TAFA5: variants seen among roughly 807,000 people sequenced by gnomAD.
The protein encoded by TAFA5 is chemokine-like protein TAFA-5.
Under a neutral mutation model 15.3 loss-of-function variants are expected in TAFA5, and 6 were observed. The observed-to-expected ratio is 0.39, with a 90% CI of 0.21 to 0.77. The LOEUF (loss-of-function observed/expected upper bound fraction) is 0.77, where lower values mean the gene tolerates loss of function less well. Ranked by LOEUF, TAFA5 falls within the 30% of genes least tolerant of loss-of-function variation. TAFA5 has a pLI of 0.41. For synonymous variants in TAFA5, 103 were observed against 80.7 expected (o/e 1.28, Z -1.48); for missense variants, 161 against 193.1 (o/e 0.83, Z 0.98).
At chr22:48,500,277 G>C (rs1362369700) in intron 1 of TAFA5, among the ~76,000 whole-genome samples, 1 of 152,152 alleles carries the variant, frequency 6.6e-6, no homozygotes, top group Non-Finnish European at 1.5e-5. Flanking sequence ...CCACTCCCCT[G>C]TCCCTGACCA....
intron 1 of TAFA5, among the ~76,000 whole-genome samples, chr22:48,576,984 AGCTGGGACCCGCCAGGGTGGGCGCCGG>A (rs1361135934): frequency 1.7e-4 from 26 of 152,144 alleles, no homozygotes; most frequent in African/African-American, 6.0e-4. Flanking sequence ...GCGGGAGCGG[AGCTGGGACCCGCCAGGGTGGGCGCCGG>A]GCTGGGACCC....
Position 48,736,650 on chromosome 22 carries a change from C to T in TAFA5, c.391-13189C>T, listed in dbSNP as rs559345584. 5.3e-5 allele frequency among the ~76,000 whole-genome samples: 8 copies of T among 152,374 alleles called. No homozygotes were observed. The South Asian group carries it at 1.2e-3, about 24-fold the overall frequency. On this transcript the variant is annotated intron_variant, in intron 3 of 3. Transcript: ENST00000402357. Reference sequence around the variant, plus strand: ...ATACAGCCATGACTGGAATATTATTCAGCCTTAAAAAGGAATGGCATTCTG... The same window carrying T: ...ATACAGCCATGACTGGAATATTATTTAGCCTTAAAAAGGAATGGCATTCTG...
chr22:48,735,918 C>A (rs1705419874), intron 3 of TAFA5, among the ~76,000 whole-genome samples: 1 of 149,716 alleles, frequency 6.7e-6, no homozygotes, highest in Non-Finnish European at 1.5e-5. Context: ...GAGTCCATCC[C>A]CCCAGGAGGA....
intron 2 of TAFA5, among the ~76,000 whole-genome samples, chr22:48,652,806 ACCC>A (rs1927101360): frequency 1.9e-5 from 1 of 52,770 alleles, no homozygotes; most frequent in South Asian, 7.9e-4. Context: ...CTCAGGAGGC[ACCC>A]TCTCCACTGC....
intron 1 of TAFA5, among the ~76,000 whole-genome samples, chr22:48,542,345 GTGTGTGTGCATA>G (rs1922437688): frequency 8.0e-6 from 1 of 124,746 alleles, no homozygotes; most frequent in Non-Finnish European, 1.6e-5. Context: ...TGTGTGTGTG[GTGTGTGTGCATA>G]TGTGTGTGTG....
chr22:48,732,358 G>A (rs921680784), intron 3 of TAFA5, among the ~76,000 whole-genome samples: 2 of 152,180 alleles, frequency 1.3e-5, no homozygotes, highest in African/African-American at 2.4e-5. Flanking sequence ...CCGGGTTCAC[G>A]CCATTCTCCT....
At position 48,649,794 on chromosome 22, in the gene TAFA5, C is replaced by T. The variant is rs115254675; in HGVS notation, c.262+3048C>T. ...GGGAGGGGGAGAGCGGTGCCCTGCACGGCCAAGGAGTTCACAGCCAGGCCG... is the reference window on the plus strand; with the variant it reads ...GGGAGGGGGAGAGCGGTGCCCTGCATGGCCAAGGAGTTCACAGCCAGGCCG... On this transcript the variant is annotated intron_variant, in intron 2 of 3. Coordinates refer to ENST00000402357, the MANE Select transcript of TAFA5 (RefSeq NM_001082967.3). 5.6e-3 allele frequency among the ~76,000 whole-genome samples: 852 copies of T among 152,284 alleles called. 6 individuals carry two copies. Among genetic ancestry groups the T allele is most frequent in the African/African-American group, 0.019 (772 of 41,546 alleles).
At chr22:48,544,061 A>C (rs13058039) in intron 1 of TAFA5, 102,617 of 152,790 alleles carry the variant, frequency 0.67, 35,612 homozygotes, top group Middle Eastern at 0.87. Context: ...GGTGCTCAGC[A>C]GGACAGCAGG....
At chr22:48,631,649 G>A (rs572471507) in intron 1 of TAFA5, among the ~76,000 whole-genome samples, 4 of 152,208 alleles carry the variant, frequency 2.6e-5, no homozygotes, top group Non-Finnish European at 5.9e-5. Context: ...GAAGAAATTA[G>A]CCAGACTCAG....
At chr22:48,651,191 G>A (rs753562392) in intron 2 of TAFA5, among the ~76,000 whole-genome samples, 1 of 152,230 alleles carries the variant, frequency 6.6e-6, no homozygotes, top group African/African-American at 2.4e-5. Flanking sequence ...GTTTGTGAGC[G>A]GAACTGCCCC....
intron 3 of TAFA5, among the ~76,000 whole-genome samples, chr22:48,728,403 G>A (rs1234347738): frequency 1.3e-5 from 2 of 152,198 alleles, no homozygotes; most frequent in Non-Finnish European, 2.9e-5. Flanking sequence ...ATGCTGGATG[G>A]AGCAACTGCC....
chr22:48,559,864 A>C (rs1601579303), intron 1 of TAFA5, among the ~76,000 whole-genome samples: 1 of 152,134 alleles, frequency 6.6e-6, no homozygotes, highest in East Asian at 1.9e-4. Context: ...CTTCATCCTC[A>C]TTACAACCAT....
chr22:48,535,925 G>A (rs534550579), intron 1 of TAFA5, among the ~76,000 whole-genome samples: 2 of 152,358 alleles, frequency 1.3e-5, no homozygotes, highest in South Asian at 4.1e-4. Flanking sequence ...ATACGTAGGT[G>A]TGAGCACACT....
intron 1 of TAFA5, among the ~76,000 whole-genome samples, chr22:48,504,635 GGGGGCTCCCTGTTT>G (rs1273647066): frequency 6.6e-6 from 1 of 152,200 alleles, no homozygotes; most frequent in East Asian, 1.9e-4. Flanking sequence ...GGCCTGGAGA[GGGGGCTCCCTGTTT>G]GGGGCTCACC....
intron 1 of TAFA5, among the ~76,000 whole-genome samples, chr22:48,501,632 G>T (rs1920952601): frequency 6.6e-6 from 1 of 152,184 alleles, no homozygotes; most frequent in Admixed American, 6.5e-5. Context: ...GACCTCCCAG[G>T]CCTCACGGGC....
At chr22:48,715,070 C>T (rs567432389) in intron 3 of TAFA5, among the ~76,000 whole-genome samples, 1 of 152,332 alleles carries the variant, frequency 6.6e-6, no homozygotes, top group South Asian at 2.1e-4. Flanking sequence ...ACTAATCATG[C>T]CTGGAAAGAA....
intron 1 of TAFA5, among the ~76,000 whole-genome samples, chr22:48,517,724 C>T (rs904080497): frequency 6.6e-6 from 1 of 152,164 alleles, no homozygotes; most frequent in East Asian, 1.9e-4. Context: ...GCACCGAGAT[C>T]CCCACATCCA....
intron 2 of TAFA5, among the ~76,000 whole-genome samples, chr22:48,687,590 T>TGAGAAGG (rs1928403864): frequency 1.3e-5 from 2 of 152,114 alleles, no homozygotes; most frequent in Non-Finnish European, 2.9e-5. Context: ...GTTCTCAGCC[T>TGAGAAGG]CCGTGTTAAT....
intron 1 of TAFA5, among the ~76,000 whole-genome samples, chr22:48,638,050 C>T (rs1340537297): frequency 6.6e-6 from 1 of 152,034 alleles, no homozygotes; most frequent in East Asian, 1.9e-4. Flanking sequence ...AGAAACCACA[C>T]ACCTTGAGAT....
Sources: allele counts gnomAD v4.1 joint callset (sites outside exome capture counted in the v4.1 genomes callset), GRCh38; gene constraint gnomAD v4.1.1; transcripts MANE v1.5; gene names NCBI Gene and HGNC (gene_info 2026-07-23, HGNC 2026-07-21).